The following SRGAP1 variants were observed in gnomAD, a reference collection of about 807,000 sequenced individuals.
SRGAP1 encodes the protein SLIT-ROBO Rho GTPase activating protein 1, also known as SLIT-ROBO Rho GTPase-activating protein 1.
A neutral mutation model predicts 121.9 loss-of-function variants in SRGAP1; 43 were observed. That is an observed-to-expected ratio of 0.35 (90% confidence interval 0.28 to 0.46). The LOEUF is 0.46. SRGAP1 is among the 20% of genes least tolerant of loss of function. The probability of loss-of-function intolerance (pLI) is 1.00; values close to 1 mark genes in which losing one functional copy is unlikely to be tolerated. For synonymous variants in SRGAP1, 447 were observed against 485.4 expected (o/e 0.92, Z 1.04); for missense variants, 1,102 against 1,350.9 (o/e 0.82, Z 2.89).
chr12:63,885,136 G>A (rs1406276972), intron 1 of SRGAP1, among the ~76,000 whole-genome samples: 4 of 152,016 alleles, frequency 2.6e-5, no homozygotes, highest in East Asian at 1.9e-4. Context: ...GAAGACTTCC[G>A]TGACCAAATG....
intron 1 of SRGAP1, among the ~76,000 whole-genome samples, chr12:63,919,370 G>A (rs755245817): frequency 2.0e-5 from 3 of 151,804 alleles, no homozygotes; most frequent in East Asian, 1.9e-4. Flanking sequence ...TATTTTAATC[G>A]TTTTAACTTA....
chr12:64,042,710 A>T (rs1272747699), intron 4 of SRGAP1, 80 bp from the exon 5 acceptor site: 1 of 1,124,518 alleles, frequency 8.9e-7, no homozygotes, highest in African/African-American at 1.6e-5. Context: ...TGTGTATCAT[A>T]TACGTCGTAT....
At chr12:63,921,201 C>A (rs1352751583) in intron 1 of SRGAP1, among the ~76,000 whole-genome samples, 1 of 152,208 alleles carries the variant, frequency 6.6e-6, no homozygotes, top group African/African-American at 2.4e-5. Context: ...ATTTCCATCT[C>A]CATCGTGATC....
At chr12:64,086,749 C>A (rs2035950077) in intron 10 of SRGAP1, among the ~76,000 whole-genome samples, 1 of 148,698 alleles carries the variant, frequency 6.7e-6, no homozygotes, top group Admixed American at 6.7e-5. Flanking sequence ...AAAACACAGC[C>A]TCAAATTGCC....
At position 64,108,860 on chromosome 12, in the gene SRGAP1, A is replaced by G. The variant is rs945833943; in HGVS notation, c.1814-72A>G. On this transcript the variant is annotated intron_variant, in intron 15 of 21. Transcript: ENST00000355086. ...TTATATTCAGATGTGTACCGGTAAT[A>G]CATGTACTGCAGTGTTCTGTTTTAA... is the stretch of plus-strand genomic sequence containing the variant. The G allele has an allele frequency of 2.0e-5, 21 of 1,031,626 alleles. No individual in the cohort carries two copies. The Admixed American group carries it at 2.8e-4, about 14-fold the overall frequency. 63.9% of individuals were successfully genotyped at this position (1,031,626 alleles called of 1,614,324 possible). A position where few individuals can be genotyped will look rare whatever the true frequency, so the allele number is the denominator to read the frequency against.
At chr12:64,084,648 G>A (rs1260963635) in intron 10 of SRGAP1, among the ~76,000 whole-genome samples, 1 of 152,088 alleles carries the variant, frequency 6.6e-6, no homozygotes, top group African/African-American at 2.4e-5. Flanking sequence ...ATCTTTTATA[G>A]GTTTTTAATT....
intron 1 of SRGAP1, among the ~76,000 whole-genome samples, chr12:63,867,047 C>T (rs552019919): frequency 3.3e-5 from 5 of 152,134 alleles, no homozygotes; most frequent in South Asian, 2.1e-4. Context: ...TTTTTTATTT[C>T]GCCGTGTTGC....
At chr12:64,038,745 A>C (rs1396996056) in intron 4 of SRGAP1, 1 of 152,190 alleles carries the variant, frequency 6.6e-6, no homozygotes, top group Non-Finnish European at 1.5e-5. Flanking sequence ...TTTTTTCAGC[A>C]GTTGAGGAAA....
intron 1 of SRGAP1, among the ~76,000 whole-genome samples, chr12:63,949,660 C>G (rs752397768): frequency 1.5e-4 from 23 of 151,952 alleles, no homozygotes; most frequent in Admixed American, 1.3e-4. Context: ...ATCTCCTGAC[C>G]TCGTGATCCG....
intron 1 of SRGAP1, among the ~76,000 whole-genome samples, chr12:63,849,767 C>T (rs1899014892): frequency 6.6e-6 from 1 of 152,108 alleles, no homozygotes; most frequent in African/African-American, 2.4e-5. Context: ...TTTCTCCAAC[C>T]CACTCATTAC....
At chr12:64,022,589 G>A (rs1330268025) in intron 4 of SRGAP1, among the ~76,000 whole-genome samples, 1 of 152,154 alleles carries the variant, frequency 6.6e-6, no homozygotes, top group Non-Finnish European at 1.5e-5. Flanking sequence ...GCCTAGTCAA[G>A]TTGACACATA....
chr12:63,919,480 T>C (rs189098077), intron 1 of SRGAP1, among the ~76,000 whole-genome samples: 2 of 138,720 alleles, frequency 1.4e-5, no homozygotes, highest in East Asian at 3.9e-4. Context: ...AATATTTTAA[T>C]TGTTTTAACT....
intron 4 of SRGAP1, among the ~76,000 whole-genome samples, chr12:64,017,928 G>A (rs1371342862): frequency 1.3e-5 from 2 of 151,898 alleles, no homozygotes; most frequent in Non-Finnish European, 2.9e-5. Flanking sequence ...GTTGGAATTA[G>A]TAATATACTT....
intron 1 of SRGAP1, among the ~76,000 whole-genome samples, chr12:63,891,132 T>G (rs1592920679): frequency 6.6e-6 from 1 of 152,226 alleles, no homozygotes; most frequent in African/African-American, 2.4e-5. Context: ...TGCATAGCTC[T>G]GGCTCATTCC....
At chr12:64,053,006 AT>A (rs1223064077) in intron 6 of SRGAP1, among the ~76,000 whole-genome samples, 5 of 152,128 alleles carry the variant, frequency 3.3e-5, no homozygotes, top group Admixed American at 2.0e-4. Context: ...TTATCAGTTT[AT>A]TTCATAGGTA....
chr12:64,057,377 T>C (rs541424499), intron 6 of SRGAP1, among the ~76,000 whole-genome samples: 2 of 152,334 alleles, frequency 1.3e-5, no homozygotes, highest in African/African-American at 4.8e-5. Context: ...TGTAGAAGTT[T>C]AGACATCTGG....
intron 1 of SRGAP1, among the ~76,000 whole-genome samples, chr12:63,871,216 T>G (rs1381712557): frequency 6.6e-6 from 1 of 152,244 alleles, no homozygotes; most frequent in African/African-American, 2.4e-5. Context: ...ACAATTGCTC[T>G]CAATGGACAT....
chr12:64,133,030 A>T (rs894575754), intron 21 of SRGAP1, among the ~76,000 whole-genome samples: 1 of 152,200 alleles, frequency 6.6e-6, no homozygotes, highest in African/African-American at 2.4e-5. Context: ...ACTTGGAGTC[A>T]CCACTTGGTT....
chr12:64,141,536 T>C (rs772932056), intron 21 of SRGAP1, among the ~76,000 whole-genome samples: 18 of 152,030 alleles, frequency 1.2e-4, no homozygotes, highest in Non-Finnish European at 2.5e-4. Context: ...GCCGAGATCA[T>C]GTCACTGCAC....
Sources: gnomAD v4.1 joint callset for allele counts (sites outside exome capture counted in the v4.1 genomes callset) on GRCh38, gnomAD v4.1.1 for gene constraint, MANE v1.5 for transcripts, NCBI Gene and HGNC (gene_info 2026-07-23, HGNC 2026-07-21) for gene names.